Variants in C4orf36 observed in about 807,000 individuals in gnomAD.
The protein encoded by C4orf36 is chromosome 4 open reading frame 36.
A neutral mutation model predicts 12.2 loss-of-function variants in C4orf36; 11 were observed. The observed-to-expected ratio is 0.90, with a 90% CI of 0.57 to 1.49. C4orf36 has a LOEUF of 1.49. Ranked by LOEUF, C4orf36 falls within the 40% of genes most tolerant of loss-of-function variation. The pLI is 0.00. For missense variants in C4orf36, 137 were observed against 133.9 expected, an observed-to-expected ratio of 1.02 and a Z score of -0.11; for synonymous variants, 54 against 51.3, an observed-to-expected ratio of 1.05 and a Z score of -0.22.
upstream of C4orf36, among the ~76,000 whole-genome samples, chr4:86,896,626 G>T (rs1226717241): frequency 6.6e-6 from 1 of 152,024 alleles, no homozygotes; most frequent in Admixed American, 6.6e-5. Flanking sequence ...TTAAATTTAT[G>T]TCTTCCCGTA....
chr4:86,892,181 A>ATG lies in C4orf36; in HGVS notation c.-74+1_-74+2insCA, dbSNP rs1277946872. 13 of 985,130 alleles carry ATG rather than the reference A, an allele frequency of 1.3e-5. No individual in the cohort carries two copies. In the Admixed American group the frequency reaches 3.7e-4, roughly 28 times the overall value. 61.0% of individuals were successfully genotyped at this position (985,130 alleles called of 1,614,324 possible). A position where few individuals can be genotyped will look rare whatever the true frequency, so the allele number is the denominator to read the frequency against. On this transcript the variant is annotated splice_donor_variant, in intron 1 of 4. Coordinates refer to ENST00000295898, the MANE Select transcript of C4orf36 (RefSeq NM_144645.4). LOFTEE classifies it low-confidence loss of function (5UTR_SPLICE). ...GGCCTCAGCCTCGGCTCCTTCCCAC[A>ATG]CCTGGGCCCCACCCTGCCTCCGACT...
chr4:86,902,869 C>T, the C4orf36 span, among the ~76,000 whole-genome samples: 1 of 152,098 alleles, frequency 6.6e-6, no homozygotes, highest in Non-Finnish European at 1.5e-5. Flanking sequence ...CATATGGAAT[C>T]TTTATTTCTT....
At chr4:86,912,567 C>A in the C4orf36 span, among the ~76,000 whole-genome samples, 1 of 152,152 alleles carries the variant, frequency 6.6e-6, no homozygotes, top group African/African-American at 2.4e-5. Context: ...GCCTATATAT[C>A]CATGAGCCAA....
chr4:86,920,573 G>A, the C4orf36 span, among the ~76,000 whole-genome samples: 1 of 152,110 alleles, frequency 6.6e-6, no homozygotes, highest in African/African-American at 2.4e-5. Context: ...AGTTCTGGAG[G>A]CTGGGAAGTC....
chr4:86,928,736 G>A, the C4orf36 span, among the ~76,000 whole-genome samples: 1 of 152,046 alleles, frequency 6.6e-6, no homozygotes, highest in African/African-American at 2.4e-5. Flanking sequence ...CCCAAATTCA[G>A]ACATATTGAT....
At chr4:86,913,551 T>C in the C4orf36 span, 19 of 1,030,476 alleles carry the variant, frequency 1.8e-5, no homozygotes, top group South Asian at 4.2e-5. Context: ...GAAAAGAGCG[T>C]TGGGCAGCAG....
At chr4:86,890,480 AAATAATAATAAT>A (rs56235500) in intron 2 of C4orf36, among the ~76,000 whole-genome samples, 3,118 of 147,232 alleles carry the variant, frequency 0.021, 85 homozygotes, top group African/African-American at 0.062. Flanking sequence ...AATGCAAATA[AAATAATAATAAT>A]AATAATAATA....
chr4:86,926,569 A>G, the C4orf36 span, among the ~76,000 whole-genome samples: 1 of 152,144 alleles, frequency 6.6e-6, no homozygotes, highest in Non-Finnish European at 1.5e-5. Flanking sequence ...GTCCTCATAG[A>G]TAAGGAATGA....
At chr4:86,923,221 A>G in the C4orf36 span, among the ~76,000 whole-genome samples, 1 of 151,434 alleles carries the variant, frequency 6.6e-6, no homozygotes, top group Non-Finnish European at 1.5e-5. Context: ...CCTCCTGAGG[A>G]GCTGAGACTA....
At chr4:86,898,181 CA>C in the C4orf36 span, among the ~76,000 whole-genome samples, 1 of 152,192 alleles carries the variant, frequency 6.6e-6, no homozygotes, top group African/African-American at 2.4e-5. Flanking sequence ...CACTTGAGGC[CA>C]GGGGATCAAG....
chr4:86,893,245 G>A (rs1363534903), upstream of C4orf36, among the ~76,000 whole-genome samples: 1 of 152,196 alleles, frequency 6.6e-6, no homozygotes, highest in Non-Finnish European at 1.5e-5. Context: ...AGAGTCACAT[G>A]GCAAGTTCCA....
chr4:86,919,027 T>TG, the C4orf36 span, among the ~76,000 whole-genome samples: 1 of 151,688 alleles, frequency 6.6e-6, no homozygotes, highest in Non-Finnish European at 1.5e-5. Flanking sequence ...CCTGAGAACC[T>TG]GGGGGCATTG....
chr4:86,921,257 T>TCA, the C4orf36 span, among the ~76,000 whole-genome samples: 272 of 151,978 alleles, frequency 1.8e-3, 3 homozygotes, highest in African/African-American at 5.4e-3. Flanking sequence ...CAGAAAACTG[T>TCA]CACACACACA....
chr4:86,884,359 C>A (rs1162267005), intron 4 of C4orf36, among the ~76,000 whole-genome samples: 1 of 142,618 alleles, frequency 7.0e-6, no homozygotes, highest in Non-Finnish European at 1.5e-5. Flanking sequence ...GGCTGGAGTG[C>A]AGTGGCATGA....
At chr4:86,894,339 G>A (rs1171209314), upstream of C4orf36, among the ~76,000 whole-genome samples, 3 of 152,044 alleles carry the variant, frequency 2.0e-5, no homozygotes, top group Non-Finnish European at 2.9e-5. Flanking sequence ...ATACACATAC[G>A]TGTGTGTGTG....
intron 4 of C4orf36, 150 bp downstream of exon 4, chr4:86,887,608 G>C (rs890573809): frequency 1.3e-6 from 1 of 798,662 alleles, no homozygotes. Context: ...AGATCTGTCA[G>C]AACTGGGTAC....
At chr4:86,903,497 ATTCC>A in the C4orf36 span, among the ~76,000 whole-genome samples, 1 of 152,198 alleles carries the variant, frequency 6.6e-6, no homozygotes, top group African/African-American at 2.4e-5. Flanking sequence ...GGAATTGTTC[ATTCC>A]TTCCAGTAGG....
the C4orf36 span, among the ~76,000 whole-genome samples, chr4:86,927,339 G>GTGTTTT: frequency 9.2e-5 from 14 of 152,236 alleles, no homozygotes; most frequent in South Asian, 2.1e-4. Context: ...ATCCAGTCAT[G>GTGTTTT]TGTTTTTGTT....
chr4:86,893,508 C>T (rs1747505635), upstream of C4orf36, among the ~76,000 whole-genome samples: 2 of 151,900 alleles, frequency 1.3e-5, no homozygotes, highest in Non-Finnish European at 2.9e-5. Context: ...ATTGCTTGAA[C>T]CCGGGAGGCA....
Sources: allele counts gnomAD v4.1 joint callset (sites outside exome capture counted in the v4.1 genomes callset), GRCh38; gene constraint gnomAD v4.1.1; transcripts MANE v1.5; gene names NCBI Gene and HGNC (gene_info 2026-07-23, HGNC 2026-07-21).